SPINDOC: variants seen among roughly 807,000 people sequenced by gnomAD.
The protein encoded by SPINDOC is spindlin interactor and repressor of chromatin binding, also known as spindlin interactor and repressor of chromatin-binding protein.
SPINDOC carries 13 observed loss-of-function variants against 30.7 expected under a neutral mutation model. The ratio of observed to expected loss-of-function variants is 0.42; its 90% CI spans 0.28 to 0.67. The LOEUF (loss-of-function observed/expected upper bound fraction) is 0.67. Ranked by LOEUF, SPINDOC falls within the 30% of genes least tolerant of loss-of-function variation. The pLI is 0.22. For missense variants in SPINDOC, 438 were observed against 518.0 expected, an observed-to-expected ratio of 0.85 and a Z score of 1.50; for synonymous variants, 228 against 211.4, an observed-to-expected ratio of 1.08 and a Z score of -0.68.
Position 63,817,830 on chromosome 11 carries a change from G to A in SPINDOC, c.153G>A (p.Pro51=), listed in dbSNP as rs530312684. 47 of 1,598,332 alleles carry A rather than the reference G, an allele frequency of 2.9e-5. No individual in the cohort carries two copies. Among genetic ancestry groups the A allele is most frequent in the African/African-American group, 5.4e-5 (4 of 74,578 alleles). Residue 51 remains proline, a synonymous_variant, in exon 2 of 6, where the codon CCG becomes CCA. Transcript: ENST00000294244. ...LRVTQQEKTP[P]PRPSPLEAGS... Reference sequence around the variant, plus strand: ...TGACCCAACAGGAGAAGACCCCACCGCCTAGACCCAGCCCGCTAGAGGCAG... The same window carrying A: ...TGACCCAACAGGAGAAGACCCCACCACCTAGACCCAGCCCGCTAGAGGCAG...
At chr11:63,822,183 A>T (rs868785996) in intron 5 of SPINDOC, among the ~76,000 whole-genome samples, 11 of 151,874 alleles carry the variant, frequency 7.2e-5, no homozygotes, top group African/African-American at 2.7e-4. Flanking sequence ...TCTCTAGAAA[A>T]ATTTTTTAAA....
intron 5 of SPINDOC, among the ~76,000 whole-genome samples, chr11:63,820,467 G>T (rs373742982): frequency 2.6e-5 from 4 of 151,394 alleles, no homozygotes; most frequent in Admixed American, 6.6e-5. Context: ...TTGTATAGAA[G>T]GGCAGATGTC....
Position 63,826,958 on chromosome 11 carries a change from A to C in SPINDOC, c.965A>C (p.Asp322Ala). The C allele has an allele frequency of 6.3e-7, 1 of 1,597,894 alleles. No homozygotes were observed. Among genetic ancestry groups the C allele is most frequent in the Non-Finnish European group, 8.6e-7 (1 of 1,165,598 alleles). Reference sequence around the variant, plus strand: ...CCTCCGGGGCTCCGCGGGACACTGGATCTCCAGGTTATCCGCGTGCGGATG... The same window carrying C: ...CCTCCGGGGCTCCGCGGGACACTGGCTCTCCAGGTTATCCGCGTGCGGATG... Reference protein sequence around the residue: ...APPPGLRGTLDLQVIRVRMEE... With the variant: ...APPPGLRGTLALQVIRVRMEE... Residue 322 changes from aspartate to alanine, a missense_variant, in exon 6 of 6, where the codon GAT (aspartate) becomes GCT (alanine). Around this residue, in one of 3 missense-constraint regions of SPINDOC, gnomAD observed 300 missense variants for 332.8 expected, o/e 0.90. Coordinates refer to ENST00000294244, the MANE Select transcript of SPINDOC (RefSeq NM_138471.3).
chr11:63,818,001 G>T lies in SPINDOC; in HGVS notation c.324G>T (p.Ser108=), dbSNP rs533681874. ...IRAPSADTAR[S]HILEQHPHTL... ...CACCCTCGGCCGACACAGCTCGCTC[G>T]CACATCTTGGAGCAGCACCCTCACA... The change falls in exon 2 of 6, where the codon TCG becomes TCT. Residue 108 remains serine, a synonymous_variant. Coordinates refer to ENST00000294244, the MANE Select transcript of SPINDOC (RefSeq NM_138471.3). This position sits in a 1 kb window ranked among gnomAD's most constrained non-coding sequence, Gnocchi z 5.3. 2 of 1,614,034 alleles carry T rather than the reference G, an allele frequency of 1.2e-6. No homozygotes were observed. The highest frequency in any genetic ancestry group is 2.2e-5 in the East Asian group (1 of 44,878).
In SPINDOC at chr11:63,818,308, A is replaced by G. The variant is rs769761207; in HGVS notation, c.550A>G (p.Asn184Asp). Residue 184 changes from asparagine (N) to aspartate (D), a missense_variant, in exon 3 of 6, where the codon AAC becomes GAC. Asn to Asp is a conservative substitution (Grantham distance 23). Transcript: ENST00000294244. This position sits in a 1 kb window ranked among gnomAD's most constrained non-coding sequence, Gnocchi z 5.3. The part of the protein sequence containing the change: ...EIVVLLDSED[N>D]PSLPKRSRPR... ...CGTCGTTCTCCTTGACTCTGAGGAT[A>G]ACCCATCCCTCCCTAAAAGGAGCCG... 1.9e-6 allele frequency: 3 copies of G among 1,613,948 alleles called. No individual in the cohort carries two copies. The highest frequency in any genetic ancestry group is 2.5e-6 in the Non-Finnish European group (3 of 1,179,994).
At position 63,813,561 on chromosome 11, in the gene SPINDOC, G is replaced by A. The variant is rs891870763; in HGVS notation, c.-126G>A. 3.7e-6 allele frequency: 3 copies of A among 812,330 alleles called. No individual in the cohort carries two copies. Among genetic ancestry groups the A allele is most frequent in the African/African-American group, 3.7e-5 (2 of 53,422 alleles). 50.3% of individuals were successfully genotyped at this position (812,330 alleles called of 1,614,324 possible). A position where few individuals can be genotyped will look rare whatever the true frequency, so the allele number is the denominator to read the frequency against. ...GCGAGCGGCGGGCGGGCGGCGGGGA[G>A]GGGGCTGCGCGGGGCGGGCGGCGGG... On this transcript the variant is annotated 5_prime_UTR_variant, in exon 1 of 6. Coordinates refer to ENST00000294244, the MANE Select transcript of SPINDOC (RefSeq NM_138471.3).
chr11:63,817,621 C>T (rs1477444643), intron 1 of SPINDOC, among the ~76,000 whole-genome samples, 184 bp from the exon 2 acceptor site: 2 of 152,098 alleles, frequency 1.3e-5, no homozygotes, highest in East Asian at 1.9e-4. Context: ...CGTGGGATCC[C>T]GGGCACATCG....
In SPINDOC at chr11:63,813,720, T is replaced by C; in HGVS notation, c.34T>C (p.Cys12Arg). 6.3e-7 allele frequency: 1 copy of C among 1,592,356 alleles called. No individual in the cohort carries two copies. The highest frequency in any genetic ancestry group is 8.5e-7 in the Non-Finnish European group (1 of 1,171,644). ...AAAGGCCGAGGGCGCCGCACTCGAC[T>C]GCTTCGAGGTGACGCTGAAATGCGA... Reference protein sequence around the residue: ...ALKAEGAALDCFEVTLKCEEG... With the variant: ...ALKAEGAALDRFEVTLKCEEG... The change falls in exon 1 of 6, where the codon TGC becomes CGC. Residue 12 changes from cysteine (C) to arginine (R), a missense_variant. This residue lies in a region of SPINDOC where 129 missense variants were observed against 152.7 expected (regional missense o/e 0.84). Transcript: ENST00000294244.
At chr11:63,819,950 G>C (rs1372591640) in intron 5 of SPINDOC, among the ~76,000 whole-genome samples, 1 of 152,222 alleles carries the variant, frequency 6.6e-6, no homozygotes, top group Non-Finnish European at 1.5e-5. Flanking sequence ...GTGGAGCTGA[G>C]GCCCAGATGG....
At position 63,813,605 on chromosome 11, in the gene SPINDOC, A is replaced by AGGAGGCG. The variant is rs1237515334; in HGVS notation, c.-73_-67dup. On this transcript the variant is annotated 5_prime_UTR_variant, in exon 1 of 6. Transcript: ENST00000294244. ...CGGCGGGCCCGGCGCTATTCCGGCC[A>AGGAGGCG]GGAGGCGGGAGGCGGTTGCCGGCTG... 2.3e-6 allele frequency: 3 copies of AGGAGGCG among 1,325,098 alleles called. No homozygotes were observed. The highest frequency in any genetic ancestry group is 2.9e-6 in the Non-Finnish European group (3 of 1,025,228). 82.1% of individuals were successfully genotyped at this position (1,325,098 alleles called of 1,614,324 possible). A position where few individuals can be genotyped will look rare whatever the true frequency, so the allele number is the denominator to read the frequency against.
At chr11:63,820,218 C>T (rs946840138) in intron 5 of SPINDOC, among the ~76,000 whole-genome samples, 4 of 150,752 alleles carry the variant, frequency 2.7e-5, no homozygotes, top group African/African-American at 7.4e-5. Context: ...GCCGATATGG[C>T]GAAACCTCAT....
In SPINDOC at chr11:63,818,491, C is replaced by G. The variant is rs745587506; in HGVS notation, c.608-36C>G. ...TGGGGTGGCAGGGTTCGGGGATGGC[C>G]TCTTTAAAAGGGTATGAGGTCTTTT... On this transcript the variant is annotated intron_variant, in intron 3 of 5. Coordinates refer to ENST00000294244, the MANE Select transcript of SPINDOC (RefSeq NM_138471.3). The surrounding 1 kb of genome is among the most constrained non-coding windows in gnomAD (Gnocchi z 5.3). The G allele has an allele frequency of 3.1e-6, 5 of 1,606,652 alleles. No individual in the cohort carries two copies. In the East Asian group the frequency reaches 8.9e-5, roughly 29 times the overall value.
At chr11:63,821,693 A>C (rs1220946040) in intron 5 of SPINDOC, among the ~76,000 whole-genome samples, 1 of 152,174 alleles carries the variant, frequency 6.6e-6, no homozygotes, top group African/African-American at 2.4e-5. Flanking sequence ...AGAGCCATAG[A>C]ATGATGGCCA....
Position 63,813,718 on chromosome 11 carries a change from A to G in SPINDOC, c.32A>G (p.Asp11Gly). 1 of 1,592,012 alleles carries G rather than the reference A, an allele frequency of 6.3e-7. No individual in the cohort carries two copies. Among genetic ancestry groups the G allele is most frequent in the Non-Finnish European group, 8.5e-7 (1 of 1,171,538 alleles). Residue 11 changes from aspartate (D) to glycine (G), a missense_variant, in exon 1 of 6, where the codon GAC (aspartate) becomes GGC (glycine). Physicochemically the swap from Asp to Gly is moderately conservative, Grantham distance 94. Coordinates refer to ENST00000294244, the MANE Select transcript of SPINDOC (RefSeq NM_138471.3). ...CTAAAGGCCGAGGGCGCCGCACTCG[A>G]CTGCTTCGAGGTGACGCTGAAATGC... MALKAEGAAL[D>G]CFEVTLKCEE...
chr11:63,821,380 C>T (rs1424318096), intron 5 of SPINDOC, among the ~76,000 whole-genome samples: 4 of 152,116 alleles, frequency 2.6e-5, no homozygotes, highest in Non-Finnish European at 4.4e-5. Context: ...TTTTTGAGTC[C>T]GCTGATGAGC....
Position 63,818,402 on chromosome 11 carries a change from G to A in SPINDOC, c.607+37G>A, listed in dbSNP as rs747579587. On this transcript the variant is annotated intron_variant, in intron 3 of 5. Transcript: ENST00000294244. This position sits in a 1 kb window ranked among gnomAD's most constrained non-coding sequence, Gnocchi z 5.3. Reference sequence around the variant, plus strand: ...GAGAAGCCAGTGAGCCCCGGTGGAGGTGGGGGTTTGGGGACAGGGTGAAAT... The same window carrying A: ...GAGAAGCCAGTGAGCCCCGGTGGAGATGGGGGTTTGGGGACAGGGTGAAAT... 6.2e-6 allele frequency: 10 copies of A among 1,610,486 alleles called. No individual in the cohort carries two copies. In the East Asian group the frequency reaches 1.8e-4, roughly 29 times the overall value.
At chr11:63,824,759 A>G (rs1262021704) in intron 5 of SPINDOC, among the ~76,000 whole-genome samples, 2 of 117,496 alleles carry the variant, frequency 1.7e-5, no homozygotes, top group East Asian at 3.8e-4. Context: ...GCGAGACTCC[A>G]TCTCAAAAAA....
At chr11:63,824,884 A>G (rs1357962715) in intron 5 of SPINDOC, among the ~76,000 whole-genome samples, 2 of 152,036 alleles carry the variant, frequency 1.3e-5, no homozygotes, top group Non-Finnish European at 2.9e-5. Flanking sequence ...CCCAGGCTTC[A>G]GTTTGCTGTG....
chr11:63,819,003 G>T lies in SPINDOC; in HGVS notation c.934+1G>T. Reference sequence around the variant, plus strand: ...CCCCGGGCGGAGAGCCCCTCTCCAGGTGAGCCCTCCTGAGAGGGAAGCACA... The same window carrying T: ...CCCCGGGCGGAGAGCCCCTCTCCAGTTGAGCCCTCCTGAGAGGGAAGCACA... On this transcript the variant is annotated splice_donor_variant, in intron 5 of 5. Coordinates refer to ENST00000294244, the MANE Select transcript of SPINDOC (RefSeq NM_138471.3). LOFTEE classifies it high-confidence loss of function. The T allele has an allele frequency of 1.2e-6, 2 of 1,611,154 alleles. No homozygotes were observed. The highest frequency in any genetic ancestry group is 1.7e-6 in the Non-Finnish European group (2 of 1,178,700).
Sources: allele counts gnomAD v4.1 joint callset (sites outside exome capture counted in the v4.1 genomes callset), GRCh38; gene constraint gnomAD v4.1.1; regional missense constraint gnomAD v4.1.1; non-coding constraint Gnocchi (gnomAD v3.1); transcripts MANE v1.5; gene names NCBI Gene and HGNC (gene_info 2026-07-23, HGNC 2026-07-21).